Variants in CRYBG1 observed in about 807,000 individuals in gnomAD.
The protein encoded by CRYBG1 is crystallin beta-gamma domain containing 1.
CRYBG1 carries 139 observed loss-of-function variants against 189.2 expected under a neutral mutation model. The ratio of observed to expected loss-of-function variants is 0.73; its 90% CI spans 0.64 to 0.85. The LOEUF is 0.85. CRYBG1 is among the 40% of genes least tolerant of loss of function. The pLI, the probability that CRYBG1 is intolerant of heterozygous loss-of-function variation, is 0.00. For missense variants in CRYBG1, 2,611 were observed against 2,675.8 expected (o/e 0.98, Z 0.53); for synonymous variants, 1,023 against 1,017.1 (o/e 1.01, Z -0.11).
intron 1 of CRYBG1, among the ~76,000 whole-genome samples, chr6:106,439,105 C>T (rs973040009): frequency 6.8e-6 from 1 of 147,880 alleles, no homozygotes; most frequent in African/African-American, 2.5e-5. Flanking sequence ...TGAGGAAAAC[C>T]TAAGATTTTC....
intron 2 of CRYBG1, among the ~76,000 whole-genome samples, chr6:106,511,162 C>A (rs1012524973): frequency 6.6e-6 from 1 of 152,036 alleles, no homozygotes; most frequent in Non-Finnish European, 1.5e-5. Context: ...TTATTTGGAC[C>A]GTTCAAATTT....
intron 2 of CRYBG1, among the ~76,000 whole-genome samples, chr6:106,487,706 A>G (rs1363086264): frequency 1.3e-5 from 2 of 152,160 alleles, no homozygotes; most frequent in African/African-American, 4.8e-5. Context: ...CATACAGATT[A>G]TGAATTGATT....
chr6:106,520,951 CT>C lies in CRYBG1; in HGVS notation c.3745del (p.Ser1249LeufsTer12). 1 of 1,614,174 alleles carries C rather than the reference CT, an allele frequency of 6.2e-7. No individual in the cohort carries two copies. The highest frequency in any genetic ancestry group is 1.1e-5 in the South Asian group (1 of 91,090). On this transcript the variant is annotated frameshift_variant, in exon 4 of 22. Coordinates refer to ENST00000633556, the MANE Select transcript of CRYBG1 (RefSeq NM_001371242.2). LOFTEE classifies it high-confidence loss of function. ...AGTGCACTTTTCTCAAGCTTGTTAT[CT>C]TCTTTACCACAAGACAAAATCTTTT... ...EKSALFSSLL[S>X]SLPQDKIFSP...
Position 106,543,451 on chromosome 6 carries a change from T to C in CRYBG1, c.4893T>C (p.Tyr1631=). 1 of 1,613,420 alleles carries C rather than the reference T, an allele frequency of 6.2e-7. No individual in the cohort carries two copies. The highest frequency in any genetic ancestry group is 8.5e-7 in the Non-Finnish European group (1 of 1,179,440). Residue 1631 remains tyrosine (Y), a synonymous_variant, in exon 11 of 22, where the codon TAT becomes TAC. Transcript: ENST00000633556. Reference sequence around the variant, plus strand: ...CATTTCTATTGTAGGTAGTTGTTTATGAAAAGCCTTTCTTTGAAGGAAAAT... The same window carrying C: ...CATTTCTATTGTAGGTAGTTGTTTACGAAAAGCCTTTCTTTGAAGGAAAAT... ...EFPTDPKVVV[Y]EKPFFEGKCV...
intron 1 of CRYBG1, among the ~76,000 whole-genome samples, chr6:106,397,199 T>C (rs950423388): frequency 6.6e-6 from 1 of 152,248 alleles, no homozygotes; most frequent in East Asian, 1.9e-4. Flanking sequence ...TACAAGTATA[T>C]ATTGTGAAAT....
rs752790241 is a variant in CRYBG1 at position 106,519,865 on chromosome 6, A to G, written c.2657A>G (p.Lys886Arg). The change falls in exon 4 of 22, where the codon AAA becomes AGA. Residue 886 changes from lysine to arginine, a missense_variant. This residue lies in a region of CRYBG1 where 1,622 missense variants were observed against 1,735.0 expected (regional missense o/e 0.93). Coordinates refer to ENST00000633556, the MANE Select transcript of CRYBG1 (RefSeq NM_001371242.2). ...GCACCCGCTCCTGGGGATGTTCCCA[A>G]AGACACATGTGTTCAATCACCCATA... is the stretch of plus-strand genomic sequence containing the variant. ...LSAPAPGDVP[K>R]DTCVQSPISS... The G allele has an allele frequency of 1.7e-5, 28 of 1,614,134 alleles. No individual in the cohort carries two copies. The highest frequency in any genetic ancestry group is 2.4e-5 in the Non-Finnish European group (28 of 1,180,022).
intron 1 of CRYBG1, among the ~76,000 whole-genome samples, chr6:106,448,507 C>T (rs1376887189): frequency 6.6e-6 from 1 of 152,178 alleles, no homozygotes; most frequent in Admixed American, 6.5e-5. Context: ...GGATAGCACA[C>T]TGTGTCGACT....
intron 21 of CRYBG1, among the ~76,000 whole-genome samples, chr6:106,565,232 A>G (rs1355101799): frequency 6.6e-6 from 1 of 152,042 alleles, no homozygotes; most frequent in Non-Finnish European, 1.5e-5. Context: ...GAGGCAGGAG[A>G]ATCGCGTCAA....
chr6:106,463,265 T>C (rs1393809473), intron 2 of CRYBG1, among the ~76,000 whole-genome samples: 2 of 152,098 alleles, frequency 1.3e-5, no homozygotes, highest in Non-Finnish European at 2.9e-5. Context: ...ACAACTTCTG[T>C]CCTACTTTGT....
chr6:106,367,144 A>T (rs1315563614), intron 1 of CRYBG1, among the ~76,000 whole-genome samples: 1 of 152,196 alleles, frequency 6.6e-6, no homozygotes, highest in Non-Finnish European at 1.5e-5. Flanking sequence ...TATCTCTGTC[A>T]TTGAATTACT....
chr6:106,554,816 C>G (rs757288564), intron 16 of CRYBG1, among the ~76,000 whole-genome samples: 1 of 151,990 alleles, frequency 6.6e-6, no homozygotes, highest in South Asian at 2.1e-4. Context: ...GCTGTATCCC[C>G]AGCAATAGAA....
chr6:106,487,822 G>A lies in CRYBG1; in HGVS notation c.313-23608G>A, dbSNP rs144844982. Among the ~76,000 whole-genome samples, 49 of 152,196 alleles carry A rather than the reference G, an allele frequency of 3.2e-4. 1 individual carries two copies. The East Asian group carries it at 9.3e-3, about 29-fold the overall frequency. ...ATTTCATAAATATCATTTTTGGGAG[G>A]ATCTGTTAATGGAGACTTATTGTGT... On this transcript the variant is annotated intron_variant, in intron 2 of 21. Coordinates refer to ENST00000633556, the MANE Select transcript of CRYBG1 (RefSeq NM_001371242.2).
chr6:106,417,085 A>G (rs1582750764), intron 1 of CRYBG1, among the ~76,000 whole-genome samples: 1 of 133,770 alleles, frequency 7.5e-6, no homozygotes, highest in Non-Finnish European at 1.5e-5. Flanking sequence ...AGCTCACTGC[A>G]CTCTTGACCT....
At chr6:106,405,072 G>T (rs1770796424) in intron 1 of CRYBG1, among the ~76,000 whole-genome samples, 3 of 152,062 alleles carry the variant, frequency 2.0e-5, no homozygotes, top group African/African-American at 7.2e-5. Context: ...AAACCAGGGA[G>T]CCAAGTGGTC....
At position 106,548,441 on chromosome 6, in the gene CRYBG1, A is replaced by G. The variant is rs182311810; in HGVS notation, c.5313-3411A>G. Among the ~76,000 whole-genome samples, 205 of 152,330 alleles carry G rather than the reference A, an allele frequency of 1.3e-3. 1 individual carries two copies. The highest frequency in any genetic ancestry group is 2.1e-3 in the Non-Finnish European group (144 of 68,022). On this transcript the variant is annotated intron_variant, in intron 13 of 21. Transcript: ENST00000633556. ...TTAGCTGGGTGTTGGGTATTTACTTACAAGTAGTTTAGTTTCATAGGAAAA... is the reference window on the plus strand; with the variant it reads ...TTAGCTGGGTGTTGGGTATTTACTTGCAAGTAGTTTAGTTTCATAGGAAAA...
At chr6:106,425,501 T>A (rs1443404828) in intron 1 of CRYBG1, among the ~76,000 whole-genome samples, 1 of 152,174 alleles carries the variant, frequency 6.6e-6, no homozygotes, top group Non-Finnish European at 1.5e-5. Context: ...CTCAGCTCCC[T>A]CACCCCCTAT....
chr6:106,377,495 A>C (rs949421750), intron 1 of CRYBG1, among the ~76,000 whole-genome samples: 3 of 152,022 alleles, frequency 2.0e-5, no homozygotes, highest in Non-Finnish European at 4.4e-5. Flanking sequence ...TTTTAAATCC[A>C]ATAAATGTAA....
intron 2 of CRYBG1, among the ~76,000 whole-genome samples, chr6:106,504,294 G>A (rs1323475448): frequency 4.6e-5 from 7 of 152,072 alleles, no homozygotes; most frequent in Non-Finnish European, 8.8e-5. Context: ...TATGAAATTG[G>A]ACTGTAGATC....
At position 106,373,060 on chromosome 6, in the gene CRYBG1, G is replaced by A. The variant is rs35067885; in HGVS notation, c.173+11979G>A. 8.3e-3 allele frequency among the ~76,000 whole-genome samples: 1,257 copies of A among 152,266 alleles called. 14 individuals are homozygous for A. The highest frequency in any genetic ancestry group is 0.01 in the Non-Finnish European group (701 of 68,032). On this transcript the variant is annotated intron_variant, in intron 1 of 21. Transcript: ENST00000633556. ...AACTAGCTAATGAATAAAGCTTCCC[G>A]TAGAAATGTAGGTACCCATTTACTC...
Sources: allele counts gnomAD v4.1 joint callset (sites outside exome capture counted in the v4.1 genomes callset), GRCh38; gene constraint gnomAD v4.1.1; regional missense constraint gnomAD v4.1.1; transcripts MANE v1.5; gene names NCBI Gene and HGNC (gene_info 2026-07-23, HGNC 2026-07-21).